PHACTR1: variants seen among roughly 807,000 people sequenced by gnomAD.
PHACTR1 encodes phosphatase and actin regulator 1, also known as RPEL repeat containing 1.
In PHACTR1, 16 loss-of-function variants were observed where a neutral mutation model predicts 69.2. That is an observed-to-expected ratio of 0.23 (90% CI 0.16 to 0.35). The LOEUF is 0.35. PHACTR1 is among the 10% of genes least tolerant of loss of function. PHACTR1 has a pLI of 1.00. For synonymous variants in PHACTR1, 312 were observed against 284.5 expected (o/e 1.10, Z -0.97); for missense variants, 510 against 734.7 (o/e 0.69, Z 3.54).
chr6:12,989,438 C>CA (rs1332454153), intron 4 of PHACTR1, among the ~76,000 whole-genome samples: 6 of 152,082 alleles, frequency 3.9e-5, no homozygotes, highest in African/African-American at 1.4e-4. Flanking sequence ...CAGGTTATAC[C>CA]AACATATAGT....
intron 4 of PHACTR1, among the ~76,000 whole-genome samples, chr6:12,817,802 A>G (rs1205698779): frequency 1.3e-5 from 2 of 152,050 alleles, no homozygotes; most frequent in African/African-American, 4.8e-5. Flanking sequence ...TACCAATTAA[A>G]GGTAAGCACA....
chr6:12,817,679 G>A (rs1200150904), intron 4 of PHACTR1, among the ~76,000 whole-genome samples: 1 of 152,102 alleles, frequency 6.6e-6, no homozygotes, highest in Non-Finnish European at 1.5e-5. Context: ...CAAATCTTTG[G>A]ACCTTTTCAA....
At position 13,116,001 on chromosome 6, in the gene PHACTR1, A is replaced by G. The variant is rs1445765129; in HGVS notation, c.416-44203A>G. Among the ~76,000 whole-genome samples, 3 of 152,328 alleles carry G rather than the reference A, an allele frequency of 2.0e-5. No individual in the cohort carries two copies. The East Asian group carries it at 5.8e-4, about 29-fold the overall frequency. ...ACAGGGATCTGCCATGTATGTGACC[A>G]AGTGGCCCTGGGATGCTTAGTGTGC... On this transcript the variant is annotated intron_variant, in intron 5 of 14. Coordinates refer to ENST00000332995, the MANE Select transcript of PHACTR1 (RefSeq NM_030948.6).
intron 4 of PHACTR1, among the ~76,000 whole-genome samples, chr6:12,984,585 C>T (rs1449901718): frequency 6.6e-6 from 1 of 152,260 alleles, no homozygotes; most frequent in Non-Finnish European, 1.5e-5. Context: ...GTTATCCCCT[C>T]TGGTGTTCCA....
chr6:12,944,796 T>A (rs1203667193), intron 4 of PHACTR1, among the ~76,000 whole-genome samples: 6 of 151,212 alleles, frequency 4.0e-5, no homozygotes, highest in African/African-American at 7.3e-5. Context: ...TATTTTTTTT[T>A]TTTTGAGACG....
intron 4 of PHACTR1, among the ~76,000 whole-genome samples, chr6:12,796,526 C>T (rs1450176276): frequency 6.6e-6 from 1 of 152,206 alleles, no homozygotes; most frequent in Non-Finnish European, 1.5e-5. Context: ...GATTTTTTGA[C>T]TTGTGGTCTT....
At chr6:12,872,992 T>C (rs1036680448) in intron 4 of PHACTR1, among the ~76,000 whole-genome samples, 2 of 151,758 alleles carry the variant, frequency 1.3e-5, no homozygotes, top group Non-Finnish European at 2.9e-5. Context: ...CCTTCTTTCT[T>C]TCCTTCCTTC....
chr6:12,843,411 G>A (rs1323658362), intron 4 of PHACTR1, among the ~76,000 whole-genome samples: 1 of 152,162 alleles, frequency 6.6e-6, no homozygotes, highest in Non-Finnish European at 1.5e-5. Context: ...AAGGCTGGGG[G>A]TGGCAGGTCG....
intron 4 of PHACTR1, among the ~76,000 whole-genome samples, chr6:12,765,958 AT>A (rs1183199624): frequency 6.6e-6 from 1 of 152,126 alleles, no homozygotes; most frequent in Non-Finnish European, 1.5e-5. Context: ...GATGCCTTTG[AT>A]TTTGCCAGTT....
intron 4 of PHACTR1, among the ~76,000 whole-genome samples, chr6:12,903,257 C>T (rs893626821): frequency 5.9e-5 from 9 of 152,104 alleles, no homozygotes; most frequent in African/African-American, 1.9e-4. Flanking sequence ...GCACTTAGAA[C>T]AGTATAAGGC....
intron 3 of PHACTR1, among the ~76,000 whole-genome samples, chr6:12,722,950 A>G (rs1405704234): frequency 2.0e-5 from 3 of 152,214 alleles, no homozygotes; most frequent in Non-Finnish European, 2.9e-5. Flanking sequence ...ATGTCTTGGC[A>G]TCACATAATT....
At chr6:12,813,452 C>T (rs538931358) in intron 4 of PHACTR1, among the ~76,000 whole-genome samples, 2 of 152,306 alleles carry the variant, frequency 1.3e-5, no homozygotes, top group South Asian at 4.1e-4. Flanking sequence ...GGAACCACTA[C>T]TCTACTGCAT....
intron 4 of PHACTR1, among the ~76,000 whole-genome samples, chr6:13,053,125 C>T (rs1377691072): frequency 6.6e-6 from 1 of 152,182 alleles, no homozygotes; most frequent in Non-Finnish European, 1.5e-5. Flanking sequence ...TCTCTTCCTC[C>T]TCCAGCCTAA....
At chr6:13,064,549 T>G (rs1479649655) in intron 5 of PHACTR1, among the ~76,000 whole-genome samples, 4 of 1,274 alleles carry the variant, frequency 3.1e-3, no homozygotes, top group Admixed American at 6.8e-3. Flanking sequence ...AGGGAAAAGA[T>G]ATATATATAT....
At chr6:13,209,218 C>T (rs1766418853) in intron 8 of PHACTR1, among the ~76,000 whole-genome samples, 1 of 152,234 alleles carries the variant, frequency 6.6e-6, no homozygotes, top group Admixed American at 6.5e-5. Flanking sequence ...CCACACTTTT[C>T]AGTGTAGGGA....
chr6:12,949,552 A>G (rs1051044421), intron 4 of PHACTR1, among the ~76,000 whole-genome samples: 3 of 152,202 alleles, frequency 2.0e-5, no homozygotes, highest in African/African-American at 7.2e-5. Flanking sequence ...TGGTATAGAC[A>G]TACATTGGCC....
intron 6 of PHACTR1, among the ~76,000 whole-genome samples, chr6:13,169,217 G>A (rs184831847): frequency 6.6e-6 from 1 of 152,268 alleles, no homozygotes; most frequent in East Asian, 1.9e-4. Flanking sequence ...GGGCGACTGG[G>A]TAGACCATTC....
chr6:12,918,365 A>G (rs557428839), intron 4 of PHACTR1, among the ~76,000 whole-genome samples: 2 of 152,338 alleles, frequency 1.3e-5, no homozygotes, highest in Non-Finnish European at 2.9e-5. Flanking sequence ...GCTGTAGCCA[A>G]TGTAATCACA....
chr6:12,776,528 T>A (rs560948708), intron 4 of PHACTR1, among the ~76,000 whole-genome samples: 1 of 152,192 alleles, frequency 6.6e-6, no homozygotes, highest in African/African-American at 2.4e-5. Flanking sequence ...GCCATTGTCA[T>A]TGGGCAGATG....
Sources: allele counts gnomAD v4.1 joint callset (sites outside exome capture counted in the v4.1 genomes callset), GRCh38; gene constraint gnomAD v4.1.1; transcripts MANE v1.5; gene names NCBI Gene and HGNC (gene_info 2026-07-23, HGNC 2026-07-21).